Variants in THAP3 observed in about 807,000 individuals in gnomAD.
THAP3 encodes THAP domain containing 3.
A neutral mutation model predicts 17.7 loss-of-function variants in THAP3; 12 were observed. The ratio of observed to expected loss-of-function variants is 0.68; its 90% CI spans 0.43 to 1.10. The LOEUF (loss-of-function observed/expected upper bound fraction) is 1.10, where lower values mean the gene tolerates loss of function less well. THAP3 is among the 50% of genes least tolerant of loss of function. The pLI is 0.00. For missense variants in THAP3, 289 were observed against 318.0 expected (o/e 0.91, Z 0.69); for synonymous variants, 133 against 126.9 (o/e 1.05, Z -0.32).
At chr1:6,625,001 G>T in intron 1 of THAP3, 47 bp downstream of exon 1, 1 of 553,992 alleles carries the variant, frequency 1.8e-6, no homozygotes, top group East Asian at 3.4e-5. Context: ...TTTCGGGCCT[G>T]AATTGGGGCC....
chr1:6,635,506 CA>C, downstream of THAP3: 1 of 731,718 alleles, frequency 1.4e-6, no homozygotes, highest in Non-Finnish European at 2.2e-6. Context: ...CCAGCACCCT[CA>C]AAAGCTGGGG....
downstream of THAP3, chr1:6,635,376 T>C (rs1641742673): frequency 8.8e-6 from 3 of 339,892 alleles, no homozygotes; most frequent in South Asian, 8.8e-5. Context: ...GGTCAGCACG[T>C]GTGCTCGGGA....
In THAP3 at chr1:6,627,497, T is replaced by A. The variant is rs1031541617; in HGVS notation, c.75-1002T>A. On this transcript the variant is annotated intron_variant, in intron 2 of 5. Coordinates refer to ENST00000054650, the MANE Select transcript of THAP3 (RefSeq NM_001195753.2). ...CTTGTGCCTCAGCCTCCCAAGTAGC[T>A]GGGATCACAGGAGTGCGCCACCACG... Among the ~76,000 whole-genome samples, 67 of 152,196 alleles carry A rather than the reference T, an allele frequency of 4.4e-4. 4 individuals are homozygous for A. Among genetic ancestry groups the A allele is most frequent in the Non-Finnish European group, 4.4e-5 (3 of 68,024 alleles).
chr1:6,627,046 AT>A (rs1641486627), intron 2 of THAP3, among the ~76,000 whole-genome samples: 1 of 152,194 alleles, frequency 6.6e-6, no homozygotes, highest in South Asian at 2.1e-4. Context: ...ATTGCATAGC[AT>A]TTCACACAAC....
chr1:6,630,055 G>T (rs1191167878), intron 3 of THAP3, among the ~76,000 whole-genome samples: 1 of 152,244 alleles, frequency 6.6e-6, no homozygotes, highest in Non-Finnish European at 1.5e-5. Flanking sequence ...TAGCTCTACA[G>T]GGACCTATTC....
downstream of THAP3, chr1:6,634,862 C>G: frequency 4.1e-6 from 5 of 1,223,920 alleles, no homozygotes; most frequent in South Asian, 7.2e-5. Flanking sequence ...AGCGCCTGGT[C>G]CTGTCCTCTT....
At chr1:6,634,213 TCGACTG>T, downstream of THAP3, 1 of 975,326 alleles carries the variant, frequency 1.0e-6, no homozygotes, top group Non-Finnish European at 1.5e-6. Context: ...TTCTGTACAG[TCGACTG>T]CAAATGAAAC....
intron 4 of THAP3, among the ~76,000 whole-genome samples, chr1:6,631,782 A>G (rs1641621608): frequency 6.6e-6 from 1 of 152,096 alleles, no homozygotes; most frequent in South Asian, 2.1e-4. Flanking sequence ...CTATAATCCC[A>G]GCTACTCTGG....
Position 6,632,826 on chromosome 1 carries a change from G to T in THAP3, c.469G>T (p.Ala157Ser), listed in dbSNP as rs374301912. ...VSPRRPQATE[A>S]VGRPTGPAGL... Reference sequence around the variant, plus strand: ...GCCACGGAGGCCGCAAGCAACAGAGGCTGTTGGCCGGCCGACTGGCCCTGC... The same window carrying T: ...GCCACGGAGGCCGCAAGCAACAGAGTCTGTTGGCCGGCCGACTGGCCCTGC... The change falls in exon 6 of 6, where the codon GCT becomes TCT. Residue 157 changes from alanine (A) to serine (S), a missense_variant. Coordinates refer to ENST00000054650, the MANE Select transcript of THAP3 (RefSeq NM_001195753.2). The T allele has an allele frequency of 5.0e-5, 80 of 1,612,834 alleles. No homozygotes were observed. Among genetic ancestry groups the T allele is most frequent in the Non-Finnish European group, 6.5e-5 (77 of 1,179,904 alleles).
intron 5 of THAP3, 94 bp downstream of exon 5, chr1:6,632,589 G>A: frequency 6.4e-7 from 1 of 1,562,602 alleles, no homozygotes; most frequent in South Asian, 1.2e-5. Context: ...TGAGACCTGT[G>A]TGGCCGAGGC....
chr1:6,633,916 G>GA (rs3215503), downstream of THAP3: 57,716 of 837,584 alleles, frequency 0.069, 6 homozygotes, highest in East Asian at 0.075. Flanking sequence ...GACTCAGTCT[G>GA]AAAAAAAAAA....
chr1:6,634,853 G>A, downstream of THAP3: 1 of 1,233,738 alleles, frequency 8.1e-7, no homozygotes, highest in Non-Finnish European at 1.0e-6. Flanking sequence ...GTCTTGCCAA[G>A]CGCCTGGTCC....
chr1:6,629,366 C>T (rs544427673), intron 3 of THAP3, among the ~76,000 whole-genome samples: 8 of 152,158 alleles, frequency 5.3e-5, no homozygotes, highest in East Asian at 1.9e-4. Context: ...AGAGTGGAGC[C>T]GATGGGAAGA....
At chr1:6,632,678 C>T in intron 5 of THAP3, 118 bp from the exon 6 acceptor site, 3 of 1,454,584 alleles carry the variant, frequency 2.1e-6, no homozygotes, top group South Asian at 1.3e-5. Context: ...TTTGGGGGAG[C>T]AGCCCGGAGT....
At chr1:6,625,039 G>A (rs1256394156) in intron 1 of THAP3, 85 bp downstream of exon 1, 5 of 632,806 alleles carry the variant, frequency 7.9e-6, no homozygotes, top group Non-Finnish European at 1.3e-5. Flanking sequence ...TGGCGCCCCG[G>A]GTCCCGTCCG....
At chr1:6,634,514 G>A (rs6804), downstream of THAP3, 469,338 of 1,351,580 alleles carry the variant, frequency 0.35, 83,103 homozygotes, top group South Asian at 0.46. Context: ...GGGGCCCCCC[G>A]CGCCAGCTGT....
At position 6,633,252 on chromosome 1, in the gene THAP3, T is replaced by TG; in HGVS notation, c.*180dup. 1 of 1,439,230 alleles carries TG rather than the reference T, an allele frequency of 6.9e-7. No individual in the cohort carries two copies. 89.2% of individuals were successfully genotyped at this position (1,439,230 alleles called of 1,614,324 possible). A position where few individuals can be genotyped will look rare whatever the true frequency, so the allele number is the denominator to read the frequency against. ...CCCCGGCGAGAGCCCCAATGCCGTC[T>TG]GGGGGACGTTTAGAGGCGTGGCACT... On this transcript the variant is annotated 3_prime_UTR_variant, in exon 6 of 6. Coordinates refer to ENST00000054650, the MANE Select transcript of THAP3 (RefSeq NM_001195753.2).
Position 6,628,483 on chromosome 1 carries a change from G to A in THAP3, c.75-16G>A, listed in dbSNP as rs576416121. 29 of 1,598,598 alleles carry A rather than the reference G, an allele frequency of 1.8e-5. 1 individual carries two copies. The highest frequency in any genetic ancestry group is 1.4e-4 in the Admixed American group (8 of 58,106). ...CCAGCCTTGCTGGGCCTCACACCCC[G>A]TGCCTCTGCCCTTAGGTTTCCGTTC... On this transcript the variant is annotated splice_polypyrimidine_tract_variant and intron_variant, in intron 2 of 5. Coordinates refer to ENST00000054650, the MANE Select transcript of THAP3 (RefSeq NM_001195753.2).
At chr1:6,635,541 T>TTGA (rs1641747054), downstream of THAP3, 1 of 1,009,722 alleles carries the variant, frequency 9.9e-7, no homozygotes, top group Admixed American at 2.5e-5. Flanking sequence ...CTTCACATAA[T>TTGA]TGATAATGGT....
Sources: allele counts gnomAD v4.1 joint callset (sites outside exome capture counted in the v4.1 genomes callset), GRCh38; gene constraint gnomAD v4.1.1; transcripts MANE v1.5; gene names NCBI Gene and HGNC (gene_info 2026-07-23, HGNC 2026-07-21).